NF1: variants seen among roughly 807,000 people sequenced by gnomAD.
The protein encoded by NF1 is neurofibromin 1.
Under a neutral mutation model 325.7 loss-of-function variants are expected in NF1, and 122 were observed. The observed-to-expected ratio is 0.37, with a 90% confidence interval of 0.32 to 0.44. The LOEUF is 0.44. NF1 is among the 20% of genes least tolerant of loss of function. NF1 has a pLI of 1.00. For synonymous variants in NF1, 1,091 were observed against 1,186.0 expected, an observed-to-expected ratio of 0.92 and a Z score of 1.65; for missense variants, 2,140 against 3,415.4, an observed-to-expected ratio of 0.63 and a Z score of 9.31.
intron 42 of NF1, 101 bp from the exon 43 acceptor site, chr17:31,337,267 T>C: frequency 1.1e-6 from 1 of 933,606 alleles, no homozygotes; most frequent in Non-Finnish European, 1.7e-6. Flanking sequence ...ATGTAATTTT[T>C]ATATGGTATT....
chr17:31,208,718 C>T (rs1567839429), intron 12 of NF1, among the ~76,000 whole-genome samples: 1 of 152,072 alleles, frequency 6.6e-6, no homozygotes, highest in African/African-American at 2.4e-5. Context: ...TGGTGATACC[C>T]TATATCTACT....
Position 31,225,048 on chromosome 17 carries a change from TTGGTTG to T in NF1, c.1846-45_1846-40del, listed in dbSNP as rs760964949. ...CAACTCAAATAAGTGTTTATTCCTC[TTGGTTG>T]TCAGTGCTTCAGTAAAGCTTATTTA... On this transcript the variant is annotated intron_variant, in intron 16 of 57. Coordinates refer to ENST00000358273, the MANE Select transcript of NF1 (RefSeq NM_001042492.3). 56 of 1,602,962 alleles carry T rather than the reference TTGGTTG, an allele frequency of 3.5e-5. No individual in the cohort carries two copies. The East Asian group carries it at 1.2e-3, about 36-fold the overall frequency.
chr17:31,108,299 G>C (rs1356090350), intron 1 of NF1, among the ~76,000 whole-genome samples: 3 of 104,796 alleles, frequency 2.9e-5, no homozygotes, highest in Admixed American at 1.4e-4. Flanking sequence ...TTCTGAGACA[G>C]AGTCTCACTC....
rs148085908 is a variant in NF1, at chr17:31,226,566, C to T, written c.2133C>T (p.Arg711=). The change falls in exon 18 of 58, where the codon CGC becomes CGT. Residue 711 remains arginine, a synonymous_variant. Transcript: ENST00000358273. ...EAVLVAMSCF[R]HLCEEADIRC... is the part of the protein sequence containing the mutation. Reference sequence around the variant, plus strand: ...TTCTGGTTGCCATGTCCTGTTTCCGCCACCTCTGTGAGGAAGCAGATATCC... The same window carrying T: ...TTCTGGTTGCCATGTCCTGTTTCCGTCACCTCTGTGAGGAAGCAGATATCC... The T allele has an allele frequency of 1.9e-4, 314 of 1,613,762 alleles. 1 individual carries two copies. Among genetic ancestry groups the T allele is most frequent in the Non-Finnish European group, 2.4e-4 (288 of 1,179,820 alleles).
chr17:31,335,840 G>A (rs749572646), intron 40 of NF1, among the ~76,000 whole-genome samples: 37 of 146,904 alleles, frequency 2.5e-4, no homozygotes, highest in Non-Finnish European at 4.3e-4. Context: ...CAACACACCT[G>A]GCTAATTTTT....
At chr17:31,211,821 G>GTGT (rs1491416857) in intron 12 of NF1, among the ~76,000 whole-genome samples, 5 of 152,204 alleles carry the variant, frequency 3.3e-5, no homozygotes, top group Non-Finnish European at 7.3e-5. Flanking sequence ...CATTGAGTGA[G>GTGT]TGTTGAGTGC....
chr17:31,095,318 G>T lies in NF1; in HGVS notation c.9G>T (p.Ala3=). ...CCGGCCGCGGGGAGGACATGGCCGC[G>T]CACAGGCCGGTGGAATGGGTCCAGG... MA[A]HRPVEWVQAV... is the part of the protein sequence containing the mutation. Residue 3 remains alanine, a synonymous_variant, in exon 1 of 58, where the codon GCG becomes GCT. Coordinates refer to ENST00000358273, the MANE Select transcript of NF1 (RefSeq NM_001042492.3). The T allele has an allele frequency of 6.5e-7, 1 of 1,537,852 alleles. No individual in the cohort carries two copies.
intron 23 of NF1, 121 bp from the exon 24 acceptor site, chr17:31,230,721 G>A (rs2067098683): frequency 1.6e-5 from 13 of 797,076 alleles, no homozygotes; most frequent in South Asian, 1.2e-4. Flanking sequence ...TTATAAAGTC[G>A]TCATGTCACT....
chr17:31,141,849 G>T (rs548534996), intron 1 of NF1, among the ~76,000 whole-genome samples: 1 of 152,238 alleles, frequency 6.6e-6, no homozygotes, highest in Admixed American at 6.5e-5. Context: ...ACTTAATTCC[G>T]TTTCTTGTGG....
chr17:31,360,601 A>G lies in NF1; in HGVS notation c.8275A>G (p.Thr2759Ala), dbSNP rs1243563067. The G allele has an allele frequency of 6.2e-7, 1 of 1,614,072 alleles. No individual in the cohort carries two copies. ...ETSEESLLTP[T>A]SPYPPALQSQ... The stretch of plus-strand genomic sequence containing the variant: ...CAGTGAAGAATCCCTCCTGACTCCC[A>G]CATCTCCTTACCCTCCTGCACTGCA... Residue 2759 changes from threonine to alanine, a missense_variant, in exon 57 of 58, where the codon ACA (threonine) becomes GCA (alanine). Around this residue, in one of 10 missense-constraint regions of NF1, gnomAD observed 522 missense variants for 749.0 expected, o/e 0.70. Coordinates refer to ENST00000358273, the MANE Select transcript of NF1 (RefSeq NM_001042492.3).
At chr17:31,104,650 G>GT (rs774981305) in intron 1 of NF1, among the ~76,000 whole-genome samples, 3 of 152,112 alleles carry the variant, frequency 2.0e-5, no homozygotes, top group Non-Finnish European at 2.9e-5. Context: ...CAGAAAAGTG[G>GT]TTTTACGTTG....
chr17:31,261,223 A>T (rs1390507387), intron 34 of NF1, among the ~76,000 whole-genome samples: 1 of 151,960 alleles, frequency 6.6e-6, no homozygotes, highest in Non-Finnish European at 1.5e-5. Context: ...AGCCTGGGCC[A>T]CAAGAGCTAA....
At chr17:31,195,955 G>C (rs1410058186) in intron 8 of NF1, among the ~76,000 whole-genome samples, 2 of 151,994 alleles carry the variant, frequency 1.3e-5, no homozygotes, top group African/African-American at 4.8e-5. Context: ...ATCCAGAAGT[G>C]TAATTTCTGG....
intron 36 of NF1, chr17:31,313,887 A>C (rs2068955312): frequency 2.5e-6 from 1 of 394,340 alleles, no homozygotes; most frequent in Non-Finnish European, 4.5e-6. Context: ...TCTTTAGACT[A>C]TCAGAGTTTA....
In NF1 at chr17:31,337,490, G is replaced by A. The variant is rs1597843887; in HGVS notation, c.6550G>A (p.Asp2184Asn). The A allele has an allele frequency of 6.2e-7, 1 of 1,614,148 alleles. No individual in the cohort carries two copies. Among genetic ancestry groups the A allele is most frequent in the Non-Finnish European group, 8.5e-7 (1 of 1,179,996 alleles). Residue 2184 changes from aspartate (D) to asparagine (N), a missense_variant, in exon 43 of 58, where the codon GAC becomes AAC. Asp to Asn is a conservative substitution (Grantham distance 23). Coordinates refer to ENST00000358273, the MANE Select transcript of NF1 (RefSeq NM_001042492.3). ...CATTGCCTTCCGTTCCAGTTACCGG[G>A]ACAGGTCATTCTCTCCTGGCTCCTA... ...AVIAFRSSYR[D>N]RSFSPGSYER...
At chr17:31,103,003 A>T (rs755836123) in intron 1 of NF1, among the ~76,000 whole-genome samples, 3 of 151,246 alleles carry the variant, frequency 2.0e-5, no homozygotes, top group African/African-American at 4.9e-5. Flanking sequence ...GTACTACCAC[A>T]CCTGGCTAAT....
chr17:31,248,236 C>A (rs188902285), intron 29 of NF1, among the ~76,000 whole-genome samples: 1 of 133,880 alleles, frequency 7.5e-6, no homozygotes, highest in Admixed American at 8.2e-5. Flanking sequence ...AAAAAAACAC[C>A]TGCATCATTC....
At chr17:31,305,218 G>A in intron 36 of NF1, 1 of 1,614,186 alleles carries the variant, frequency 6.2e-7, no homozygotes, top group South Asian at 1.1e-5. Context: ...AGAAGTACGG[G>A]CAGATGGTAG....
chr17:31,229,754 G>C (rs2151430225), intron 21 of NF1, 81 bp from the exon 22 acceptor site: 4 of 1,547,986 alleles, frequency 2.6e-6, no homozygotes, highest in Non-Finnish European at 3.6e-6. Context: ...TGTGTGTTTA[G>C]ATCAGTCAGT....
Sources: gnomAD v4.1 joint callset for allele counts (sites outside exome capture counted in the v4.1 genomes callset) on GRCh38, gnomAD v4.1.1 for gene constraint, gnomAD v4.1.1 regional missense constraint, MANE v1.5 for transcripts, NCBI Gene and HGNC (gene_info 2026-07-23, HGNC 2026-07-21) for gene names.